Variants in CMPK1 observed in about 807,000 individuals in gnomAD.
CMPK1 encodes UMP-CMP kinase.
CMPK1 carries 10 observed loss-of-function variants against 25.7 expected under a neutral mutation model. That is an observed-to-expected ratio of 0.39 (90% CI 0.24 to 0.66). CMPK1 has a LOEUF of 0.66. CMPK1 is among the 30% of genes least tolerant of loss of function. The probability of loss-of-function intolerance (pLI) is 0.48; values close to 1 mark genes in which losing one functional copy is unlikely to be tolerated. For synonymous variants in CMPK1, 106 were observed against 101.5 expected (o/e 1.04, Z -0.27); for missense variants, 199 against 280.5 (o/e 0.71, Z 2.08).
chr1:47,357,203 T>C (rs2149330238), intron 1 of CMPK1, among the ~76,000 whole-genome samples: 1 of 151,744 alleles, frequency 6.6e-6, no homozygotes, highest in Admixed American at 6.6e-5. Context: ...GACCTGGTGA[T>C]CTGCCTGCCT....
intron 1 of CMPK1, among the ~76,000 whole-genome samples, chr1:47,355,156 C>T (rs951276099): frequency 1.3e-5 from 2 of 151,912 alleles, no homozygotes; most frequent in Non-Finnish European, 2.9e-5. Flanking sequence ...AAGCAATTCT[C>T]CCGCCTCAGC....
intron 3 of CMPK1, chr1:47,373,362 T>C: frequency 3.7e-6 from 1 of 272,202 alleles, no homozygotes; most frequent in Non-Finnish European, 6.8e-6. Flanking sequence ...AAATAAGAAT[T>C]GACATACATA....
chr1:47,339,438 A>G, intron 1 of CMPK1, among the ~76,000 whole-genome samples: 1 of 152,204 alleles, frequency 6.6e-6, no homozygotes, highest in East Asian at 1.9e-4. Context: ...CTTTAAGCAT[A>G]TATAAATCAG....
intron 1 of CMPK1, among the ~76,000 whole-genome samples, chr1:47,335,977 G>A (rs545183720): frequency 1.3e-5 from 2 of 152,166 alleles, no homozygotes; most frequent in East Asian, 1.9e-4. Flanking sequence ...TGGCCAGGCT[G>A]ATCTCGAACT....
At chr1:47,335,287 C>G (rs1241845574) in intron 1 of CMPK1, among the ~76,000 whole-genome samples, 1 of 152,092 alleles carries the variant, frequency 6.6e-6, no homozygotes, top group Non-Finnish European at 1.5e-5. Context: ...AAATAGCATC[C>G]AGAGAAAGTT....
At chr1:47,339,821 C>T (rs1346224699) in intron 1 of CMPK1, among the ~76,000 whole-genome samples, 2 of 151,526 alleles carry the variant, frequency 1.3e-5, no homozygotes. Flanking sequence ...GATTCTCCTC[C>T]CTCAGCCTCC....
At chr1:47,367,166 C>G (rs1392319272) in intron 1 of CMPK1, among the ~76,000 whole-genome samples, 1 of 152,182 alleles carries the variant, frequency 6.6e-6, no homozygotes, top group East Asian at 1.9e-4. Flanking sequence ...CTACCTTGCC[C>G]AGCCTGACCA....
intron 1 of CMPK1, among the ~76,000 whole-genome samples, chr1:47,362,653 A>T (rs1646611727): frequency 6.6e-6 from 1 of 152,250 alleles, no homozygotes; most frequent in African/African-American, 2.4e-5. Context: ...AAAAAGAAAC[A>T]TGCTTCATGC....
rs1282521134 is a variant in CMPK1, at chr1:47,368,401, A to G, written c.172-68A>G. 4.5e-6 allele frequency: 6 copies of G among 1,338,152 alleles called. No homozygotes were observed. In the African/African-American group the frequency reaches 9.0e-5, roughly 20 times the overall value. 82.9% of individuals were successfully genotyped at this position (1,338,152 alleles called of 1,614,324 possible). A position where few individuals can be genotyped will look rare whatever the true frequency, so the allele number is the denominator to read the frequency against. ...TAGAATATAGAAATTAACACAAAGG[A>G]AAAAAAGTATAGTCCTACCACTGGG... On this transcript the variant is annotated intron_variant, in intron 1 of 5. Transcript: ENST00000371873.
intron 1 of CMPK1, among the ~76,000 whole-genome samples, chr1:47,357,879 T>A (rs1007217616): frequency 6.6e-6 from 1 of 152,012 alleles, no homozygotes; most frequent in Non-Finnish European, 1.5e-5. Context: ...AGGCCCCACG[T>A]CCCAACACTG....
At chr1:47,336,233 G>C (rs1646398184) in intron 1 of CMPK1, among the ~76,000 whole-genome samples, 1 of 152,156 alleles carries the variant, frequency 6.6e-6, no homozygotes, top group Non-Finnish European at 1.5e-5. Context: ...TAGCATGATG[G>C]GGGAAGGGGC....
At chr1:47,350,269 G>A (rs1229435682) in intron 1 of CMPK1, among the ~76,000 whole-genome samples, 1 of 150,556 alleles carries the variant, frequency 6.6e-6, no homozygotes, top group Admixed American at 6.6e-5. Flanking sequence ...ACAGGACCTT[G>A]CGCTGTCACC....
chr1:47,337,185 A>T (rs562727703), intron 1 of CMPK1, among the ~76,000 whole-genome samples: 1 of 152,276 alleles, frequency 6.6e-6, no homozygotes, highest in Non-Finnish European at 1.5e-5. Context: ...TGGGAGGCTG[A>T]GGCAGGAGAA....
chr1:47,370,911 C>T (rs531022002), intron 2 of CMPK1, among the ~76,000 whole-genome samples: 82 of 151,908 alleles, frequency 5.4e-4, no homozygotes, highest in Non-Finnish European at 5.0e-4. Context: ...GAGCCAGGAT[C>T]GCACCATTGT....
At chr1:47,358,110 T>TTTC (rs1646575688) in intron 1 of CMPK1, among the ~76,000 whole-genome samples, 2 of 145,580 alleles carry the variant, frequency 1.4e-5, no homozygotes, top group Admixed American at 1.4e-4. Context: ...AGGTCTTTTT[T>TTTC]TTTTTTTTTT....
intron 2 of CMPK1, among the ~76,000 whole-genome samples, chr1:47,369,673 T>C (rs903533590): frequency 1.6e-4 from 25 of 151,652 alleles, no homozygotes; most frequent in African/African-American, 6.0e-4. Flanking sequence ...GAGATTCTCC[T>C]GTCTCAGCCT....
chr1:47,340,281 C>T (rs1310964342), intron 1 of CMPK1, among the ~76,000 whole-genome samples: 1 of 149,770 alleles, frequency 6.7e-6, no homozygotes, highest in Non-Finnish European at 1.5e-5. Flanking sequence ...GAAATGGGGT[C>T]TCCCCAGAGC....
At chr1:47,337,906 C>T (rs747983042) in intron 1 of CMPK1, among the ~76,000 whole-genome samples, 4 of 152,132 alleles carry the variant, frequency 2.6e-5, no homozygotes, top group Non-Finnish European at 4.4e-5. Flanking sequence ...CCACTGTGCC[C>T]GGCCTGGAAT....
intron 1 of CMPK1, among the ~76,000 whole-genome samples, chr1:47,351,330 C>T (rs1429862663): frequency 6.6e-6 from 1 of 152,138 alleles, no homozygotes; most frequent in East Asian, 1.9e-4. Flanking sequence ...CCACCTGCCT[C>T]GAGCTCCCAA....
Sources: allele counts gnomAD v4.1 joint callset (sites outside exome capture counted in the v4.1 genomes callset), GRCh38; gene constraint gnomAD v4.1.1; transcripts MANE v1.5; gene names NCBI Gene and HGNC (gene_info 2026-07-23, HGNC 2026-07-21).